The following FBXL17 variants were observed in gnomAD, a reference collection of about 807,000 sequenced individuals.
FBXL17 encodes F-box/LRR-repeat protein 17.
A neutral mutation model predicts 66.2 loss-of-function variants in FBXL17; 22 were observed. The observed-to-expected ratio is 0.33, with a 90% CI of 0.24 to 0.47. The LOEUF is 0.47. FBXL17 is among the 20% of genes least tolerant of loss of function. The pLI, the probability that FBXL17 is intolerant of heterozygous loss-of-function variation, is 1.00. For synonymous variants in FBXL17, 474 were observed against 400.5 expected, an observed-to-expected ratio of 1.18 and a Z score of -2.19; for missense variants, 878 against 948.2, an observed-to-expected ratio of 0.93 and a Z score of 0.97.
chr5:108,068,248 T>C (rs77192770), intron 6 of FBXL17, among the ~76,000 whole-genome samples: 2 of 152,118 alleles, frequency 1.3e-5, no homozygotes, highest in Non-Finnish European at 2.9e-5. Context: ...CATAAAAGTG[T>C]ACAGTAATTA....
intron 8 of FBXL17, 27 bp downstream of exon 8, chr5:107,881,010 G>A (rs773193999): frequency 1.9e-6 from 3 of 1,614,020 alleles, no homozygotes; most frequent in Admixed American, 3.3e-5. Flanking sequence ...TATGTAGAAA[G>A]CAAACAACTT....
rs543882181 is a variant in FBXL17, at chr5:108,380,617, G to A, written c.993+82C>T. Reference sequence around the variant, plus strand: ...AGGGAACCCCCCTCCTCCGCGCTTAGGGGGAGGAGAGAGAAAGCCTCGGAG... The same window carrying A: ...AGGGAACCCCCCTCCTCCGCGCTTAAGGGGAGGAGAGAGAAAGCCTCGGAG... On this transcript the variant is annotated intron_variant, in intron 1 of 8. Transcript: ENST00000542267. 7 of 912,036 alleles carry A rather than the reference G, an allele frequency of 7.7e-6. No individual in the cohort carries two copies. The African/African-American group carries it at 1.2e-4, about 16-fold the overall frequency. The allele number at this position is 912,036 out of a possible 1,614,324, so 56.5% of individuals were successfully genotyped here. A position where few individuals can be genotyped will look rare whatever the true frequency, so the allele number is the denominator to read the frequency against.
intron 6 of FBXL17, among the ~76,000 whole-genome samples, chr5:108,075,976 T>C (rs978478115): frequency 6.6e-6 from 1 of 152,224 alleles, no homozygotes; most frequent in Admixed American, 6.5e-5. Flanking sequence ...TGATCCCAAA[T>C]GTTTTTCAAA....
intron 6 of FBXL17, among the ~76,000 whole-genome samples, chr5:108,070,867 G>C (rs138473614): frequency 1.9e-3 from 288 of 151,404 alleles, no homozygotes; most frequent in Middle Eastern, 6.9e-3. Context: ...ACTGGGAACT[G>C]CAATTTTAAT....
intron 7 of FBXL17, among the ~76,000 whole-genome samples, chr5:107,938,487 G>A (rs765336449): frequency 2.0e-5 from 3 of 152,064 alleles, no homozygotes; most frequent in Non-Finnish European, 4.4e-5. Flanking sequence ...TTCACAAACT[G>A]TAGTCAGAAG....
At chr5:108,254,021 T>C (rs1255792895) in intron 4 of FBXL17, among the ~76,000 whole-genome samples, 1 of 152,108 alleles carries the variant, frequency 6.6e-6, no homozygotes, top group South Asian at 2.1e-4. Flanking sequence ...ACATACAAGT[T>C]ATACCTTAAT....
chr5:108,057,743 G>C (rs1412101926), intron 6 of FBXL17, among the ~76,000 whole-genome samples: 1 of 152,188 alleles, frequency 6.6e-6, no homozygotes, highest in African/African-American at 2.4e-5. Flanking sequence ...TGTTCAAATA[G>C]TGTGCTCTTT....
At chr5:108,014,946 C>T (rs1754323818) in intron 7 of FBXL17, among the ~76,000 whole-genome samples, 1 of 152,088 alleles carries the variant, frequency 6.6e-6, no homozygotes, top group Admixed American at 6.6e-5. Context: ...TCTCGTGAGA[C>T]TTATTCACTA....
At chr5:108,032,944 AGTT>A (rs1446324229) in intron 6 of FBXL17, among the ~76,000 whole-genome samples, 1 of 152,318 alleles carries the variant, frequency 6.6e-6, no homozygotes, top group South Asian at 2.1e-4. Flanking sequence ...CAAAATTTTA[AGTT>A]GTTGTGACAA....
intron 6 of FBXL17, among the ~76,000 whole-genome samples, chr5:108,151,115 T>C (rs998663227): frequency 1.3e-5 from 2 of 152,190 alleles, no homozygotes; most frequent in Non-Finnish European, 2.9e-5. Context: ...GTACTCAGTA[T>C]AAAGAGTCTC....
chr5:108,044,280 A>C (rs2112809339), intron 6 of FBXL17, among the ~76,000 whole-genome samples: 1 of 152,250 alleles, frequency 6.6e-6, no homozygotes, highest in African/African-American at 2.4e-5. Context: ...AAAAACATTC[A>C]ATCTATCATC....
intron 7 of FBXL17, among the ~76,000 whole-genome samples, chr5:107,884,040 A>G (rs1475243323): frequency 6.6e-6 from 1 of 152,234 alleles, no homozygotes; most frequent in Non-Finnish European, 1.5e-5. Flanking sequence ...GACTCATTTC[A>G]GAGAGATTTA....
chr5:108,263,096 C>A (rs969460355), intron 4 of FBXL17, among the ~76,000 whole-genome samples: 1 of 152,248 alleles, frequency 6.6e-6, no homozygotes, highest in South Asian at 2.1e-4. Context: ...CCATATATAA[C>A]CAATTAATTG....
chr5:107,956,367 T>C (rs1184166803), intron 7 of FBXL17, among the ~76,000 whole-genome samples: 3 of 152,162 alleles, frequency 2.0e-5, no homozygotes, highest in Non-Finnish European at 2.9e-5. Context: ...TCAGAACCAC[T>C]GCTATAGAAA....
At chr5:107,977,144 A>G (rs564545742) in intron 7 of FBXL17, among the ~76,000 whole-genome samples, 2 of 152,324 alleles carry the variant, frequency 1.3e-5, no homozygotes, top group South Asian at 4.1e-4. Context: ...TATTCATTGG[A>G]GATAACTCTT....
chr5:108,371,945 T>C (rs1184572353), intron 1 of FBXL17, among the ~76,000 whole-genome samples: 8 of 152,142 alleles, frequency 5.3e-5, no homozygotes. Flanking sequence ...TTTTTACACA[T>C]CCCATCATGC....
intron 6 of FBXL17, among the ~76,000 whole-genome samples, chr5:108,182,366 A>T (rs1753039512): frequency 6.6e-6 from 1 of 152,206 alleles, no homozygotes; most frequent in African/African-American, 2.4e-5. Context: ...GAAGTTCTAG[A>T]TTTATACCAA....
At chr5:107,864,898 T>C (rs1748228034) in intron 8 of FBXL17, among the ~76,000 whole-genome samples, 1 of 152,174 alleles carries the variant, frequency 6.6e-6, no homozygotes. Context: ...TGCCAGGAAA[T>C]TTTTCCTTTT....
intron 6 of FBXL17, among the ~76,000 whole-genome samples, chr5:108,039,934 G>A (rs527383070): frequency 1.5e-4 from 23 of 152,066 alleles, no homozygotes; most frequent in African/African-American, 5.1e-4. Context: ...AAATGATATC[G>A]TTTGGTATTT....
Sources: gnomAD v4.1 joint callset for allele counts (sites outside exome capture counted in the v4.1 genomes callset) on GRCh38, gnomAD v4.1.1 for gene constraint, MANE v1.5 for transcripts, NCBI Gene and HGNC (gene_info 2026-07-23, HGNC 2026-07-21) for gene names.